The following NR3C2 variants were observed in gnomAD, a reference collection of about 807,000 sequenced individuals.
NR3C2 encodes mineralocorticoid receptor.
In NR3C2, 15 loss-of-function variants were observed where a neutral mutation model predicts 86.4. That is an observed-to-expected ratio of 0.17 (90% CI 0.12 to 0.27). NR3C2 has a LOEUF of 0.27. NR3C2 is among the 10% of genes least tolerant of loss of function. The probability of loss-of-function intolerance (pLI) is 1.00; values close to 1 mark genes in which losing one functional copy is unlikely to be tolerated. For missense variants in NR3C2, 960 were observed against 1,195.6 expected, an observed-to-expected ratio of 0.80 and a Z score of 2.91; for synonymous variants, 458 against 450.5, an observed-to-expected ratio of 1.02 and a Z score of -0.21.
At position 148,427,658 on chromosome 4, in the gene NR3C2, G is replaced by A. The variant is rs544156213; in HGVS notation, c.1757+7446C>T. ...CCATAGAAAGGGGGGGTGTCCCTAT[G>A]ACCCAGAATGTGGCATTAGACTGTA... is the stretch of plus-strand genomic sequence containing the variant. On this transcript the variant is annotated intron_variant, in intron 2 of 8. Transcript: ENST00000358102. 5.3e-5 allele frequency among the ~76,000 whole-genome samples: 8 copies of A among 152,156 alleles called. No individual in the cohort carries two copies. In the East Asian group the frequency reaches 1.6e-3, roughly 30 times the overall value.
intron 7 of NR3C2, among the ~76,000 whole-genome samples, chr4:148,114,862 G>A (rs114526174): frequency 0.016 from 2,464 of 152,292 alleles, 32 homozygotes; most frequent in Non-Finnish European, 0.022. Flanking sequence ...GGCCATCTAC[G>A]AAGGGGAGGA....
intron 7 of NR3C2, among the ~76,000 whole-genome samples, chr4:148,119,588 C>T (rs1459790670): frequency 1.3e-5 from 2 of 152,140 alleles, no homozygotes; most frequent in Non-Finnish European, 2.9e-5. Flanking sequence ...GAGTTCGAGA[C>T]CAGCCTGGCC....
At chr4:148,385,904 A>T (rs1004096979) in intron 2 of NR3C2, among the ~76,000 whole-genome samples, 8 of 152,102 alleles carry the variant, frequency 5.3e-5, no homozygotes, top group Non-Finnish European at 1.0e-4. Context: ...TGCCTCCTTG[A>T]GTTACTTTCA....
At chr4:148,196,554 T>C (rs1560972289) in intron 3 of NR3C2, among the ~76,000 whole-genome samples, 1 of 152,194 alleles carries the variant, frequency 6.6e-6, no homozygotes, top group East Asian at 1.9e-4. Flanking sequence ...TCCAAACCAC[T>C]CCCTTCAGTG....
At chr4:148,213,313 A>C (rs1737372394) in intron 3 of NR3C2, among the ~76,000 whole-genome samples, 1 of 152,178 alleles carries the variant, frequency 6.6e-6, no homozygotes, top group African/African-American at 2.4e-5. Flanking sequence ...TATAATAAAA[A>C]TCTTAGTAAA....
In NR3C2 at chr4:148,290,747, C is replaced by T. The variant is rs868230391; in HGVS notation, c.1758-30630G>A. Among the ~76,000 whole-genome samples, 3 of 152,148 alleles carry T rather than the reference C, an allele frequency of 2.0e-5. No individual in the cohort carries two copies. In the East Asian group the frequency reaches 5.8e-4, roughly 29 times the overall value. On this transcript the variant is annotated intron_variant, in intron 2 of 8. Coordinates refer to ENST00000358102, the MANE Select transcript of NR3C2 (RefSeq NM_000901.5). Reference sequence around the variant, plus strand: ...TGAAATATAACCATCTCATAAATACCAATTCTAAATTTCAAATACCTCTCT... The same window carrying T: ...TGAAATATAACCATCTCATAAATACTAATTCTAAATTTCAAATACCTCTCT...
At chr4:148,098,650 G>C (rs1731403199) in intron 8 of NR3C2, among the ~76,000 whole-genome samples, 1 of 152,196 alleles carries the variant, frequency 6.6e-6, no homozygotes, top group South Asian at 2.1e-4. Flanking sequence ...CCTGAGCATT[G>C]ATTTTAGGGC....
At chr4:148,444,886 G>A (rs1750509220), upstream of NR3C2, 3 of 984,754 alleles carry the variant, frequency 3.0e-6, no homozygotes, top group East Asian at 1.1e-4. Context: ...AGGATCCCGC[G>A]CCCGCCGCTC....
chr4:148,268,855 A>G (rs1740526047), intron 2 of NR3C2, among the ~76,000 whole-genome samples: 1 of 152,228 alleles, frequency 6.6e-6, no homozygotes, highest in African/African-American at 2.4e-5. Flanking sequence ...AGCTTTAAAA[A>G]TCTACGACGT....
intron 4 of NR3C2, among the ~76,000 whole-genome samples, chr4:148,157,666 T>C (rs1049485788): frequency 2.0e-5 from 3 of 152,128 alleles, no homozygotes; most frequent in African/African-American, 7.2e-5. Context: ...AGCTTAGGTA[T>C]GTGAGAATTA....
At chr4:148,218,698 C>T (rs916272276) in intron 3 of NR3C2, among the ~76,000 whole-genome samples, 1 of 152,166 alleles carries the variant, frequency 6.6e-6, no homozygotes, top group Non-Finnish European at 1.5e-5. Flanking sequence ...CCCCAGTCAA[C>T]TACTAATCTA....
chr4:148,269,621 T>C (rs1740571016), intron 2 of NR3C2, among the ~76,000 whole-genome samples: 2 of 151,992 alleles, frequency 1.3e-5, no homozygotes, highest in African/African-American at 4.8e-5. Flanking sequence ...TATATCTATG[T>C]ACAAAAAACA....
intron 2 of NR3C2, among the ~76,000 whole-genome samples, chr4:148,396,411 A>G (rs1001837258): frequency 1.3e-5 from 2 of 152,264 alleles, no homozygotes. Flanking sequence ...ACCATTCTGT[A>G]CATGTCTAAA....
chr4:148,333,688 C>A (rs1579171726), intron 2 of NR3C2, among the ~76,000 whole-genome samples: 1 of 152,024 alleles, frequency 6.6e-6, no homozygotes, highest in Non-Finnish European at 1.5e-5. Flanking sequence ...CTGAACCTAC[C>A]CCTAGCTGAT....
intron 2 of NR3C2, among the ~76,000 whole-genome samples, chr4:148,308,534 C>T (rs189444184): frequency 1.3e-5 from 2 of 151,962 alleles, no homozygotes; most frequent in Admixed American, 6.6e-5. Context: ...AAAAGTTGAT[C>T]TCTCATAGAA....
rs547574873 is a variant in NR3C2, at chr4:148,354,261, C to T, written c.1757+80843G>A. Among the ~76,000 whole-genome samples, 15 of 152,114 alleles carry T rather than the reference C, an allele frequency of 9.9e-5. No homozygotes were observed. In the South Asian group the frequency reaches 3.1e-3, roughly 32 times the overall value. Reference sequence around the variant, plus strand: ...TATGATTTTCTTAATAACATTTCGTCTTCTCTAGCTTACCTTACTATAAGA... The same window carrying T: ...TATGATTTTCTTAATAACATTTCGTTTTCTCTAGCTTACCTTACTATAAGA... On this transcript the variant is annotated intron_variant, in intron 2 of 8. Transcript: ENST00000358102.
rs1039203977 is a variant in NR3C2, at chr4:148,281,318, GTTAC to G, written c.1758-21205_1758-21202del. ...TGCAGGGAAAACCGTTTAAACTGTA[GTTAC>G]TTACATGTAACTGAAATAAAAGTTT... is the stretch of plus-strand genomic sequence containing the variant. On this transcript the variant is annotated intron_variant, in intron 2 of 8. Coordinates refer to ENST00000358102, the MANE Select transcript of NR3C2 (RefSeq NM_000901.5). Among the ~76,000 whole-genome samples, 106 of 152,324 alleles carry G rather than the reference GTTAC, an allele frequency of 7.0e-4. 1 individual carries two copies. The highest frequency in any genetic ancestry group is 2.5e-3 in the African/African-American group (102 of 41,566).
chr4:148,143,422 C>A (rs1312773392), intron 6 of NR3C2, among the ~76,000 whole-genome samples: 1 of 152,216 alleles, frequency 6.6e-6, no homozygotes, highest in Non-Finnish European at 1.5e-5. Flanking sequence ...ATGCCGCCTT[C>A]ACTTTTTCTG....
At chr4:148,144,847 G>A (rs539797301) in intron 6 of NR3C2, among the ~76,000 whole-genome samples, 3 of 152,246 alleles carry the variant, frequency 2.0e-5, no homozygotes, top group South Asian at 2.1e-4. Context: ...TACTTATGAC[G>A]TTGCTTTTCT....
Sources: gnomAD v4.1 joint callset for allele counts (sites outside exome capture counted in the v4.1 genomes callset) on GRCh38, gnomAD v4.1.1 for gene constraint, MANE v1.5 for transcripts, NCBI Gene and HGNC (gene_info 2026-07-23, HGNC 2026-07-21) for gene names.